The following PRKCA variants were observed in gnomAD, a reference collection of about 807,000 sequenced individuals.
The protein encoded by PRKCA is protein kinase C alpha type.
In PRKCA, 27 loss-of-function variants were observed where a neutral mutation model predicts 87.0. The observed-to-expected ratio is 0.31, with a 90% CI of 0.23 to 0.43. The LOEUF (loss-of-function observed/expected upper bound fraction) is 0.43, where lower values mean the gene tolerates loss of function less well. Ranked by LOEUF, PRKCA falls within the 20% of genes least tolerant of loss-of-function variation. PRKCA has a pLI of 1.00. For synonymous variants in PRKCA, 329 were observed against 311.1 expected (o/e 1.06, Z -0.61); for missense variants, 518 against 852.3 (o/e 0.61, Z 4.88).
intron 2 of PRKCA, among the ~76,000 whole-genome samples, chr17:66,350,852 C>T (rs551082510): frequency 7.9e-5 from 12 of 152,280 alleles, no homozygotes; most frequent in Admixed American, 7.2e-4. Context: ...GGTCCCTAGC[C>T]TTCCATGAGC....
intron 13 of PRKCA, among the ~76,000 whole-genome samples, chr17:66,745,400 G>T (rs1974249479): frequency 6.6e-6 from 1 of 152,290 alleles, no homozygotes; most frequent in Non-Finnish European, 1.5e-5. Context: ...CTTTCTCTTG[G>T]CTGGGCACAG....
At chr17:66,549,952 A>G (rs188190685) in intron 3 of PRKCA, among the ~76,000 whole-genome samples, 13 of 152,092 alleles carry the variant, frequency 8.5e-5, no homozygotes, top group African/African-American at 3.1e-4. Flanking sequence ...ACACACCACT[A>G]CCTCCTCCCC....
chr17:66,358,375 G>A (rs1197228971), intron 2 of PRKCA, among the ~76,000 whole-genome samples: 2 of 152,144 alleles, frequency 1.3e-5, no homozygotes, highest in Non-Finnish European at 2.9e-5. Context: ...TTGAATGGCT[G>A]CATAATGTGT....
chr17:66,523,273 C>T (rs967204030), intron 3 of PRKCA, among the ~76,000 whole-genome samples: 5 of 152,108 alleles, frequency 3.3e-5, no homozygotes, highest in Non-Finnish European at 7.4e-5. Context: ...AAATGCATTC[C>T]CCCAGTTCCT....
At chr17:66,423,089 T>C (rs1331601757) in intron 2 of PRKCA, among the ~76,000 whole-genome samples, 1 of 151,520 alleles carries the variant, frequency 6.6e-6, no homozygotes, top group Non-Finnish European at 1.5e-5. Context: ...CCAGCCTGGG[T>C]GATAAAAGCG....
chr17:66,510,785 G>A (rs528520652), intron 3 of PRKCA, among the ~76,000 whole-genome samples: 10 of 152,012 alleles, frequency 6.6e-5, no homozygotes, highest in East Asian at 3.9e-4. Flanking sequence ...TCACTCTGTC[G>A]CCCAAGCTGG....
intron 2 of PRKCA, chr17:66,364,410 A>G (rs1470464427): frequency 6.6e-6 from 1 of 152,232 alleles, no homozygotes; most frequent in East Asian, 1.9e-4. Context: ...ATGACTCCAG[A>G]GGCATAAAAC....
intron 3 of PRKCA, among the ~76,000 whole-genome samples, chr17:66,520,424 C>A (rs187904908): frequency 6.6e-6 from 1 of 151,794 alleles, no homozygotes; most frequent in Non-Finnish European, 1.5e-5. Flanking sequence ...CCCAGCCCAC[C>A]GTGCTAATTT....
intron 8 of PRKCA, among the ~76,000 whole-genome samples, chr17:66,716,987 A>G (rs1367100889): frequency 2.2e-5 from 3 of 137,028 alleles, no homozygotes; most frequent in Non-Finnish European, 3.3e-5. Context: ...CCACCATTGT[A>G]TGGCTGCAAA....
intron 2 of PRKCA, among the ~76,000 whole-genome samples, chr17:66,438,973 G>A (rs1274335510): frequency 3.3e-5 from 5 of 152,124 alleles, no homozygotes; most frequent in Admixed American, 3.3e-4. Flanking sequence ...CAGTGATTGA[G>A]GGGAGAACAG....
chr17:66,521,680 A>G (rs1967166902), intron 3 of PRKCA, among the ~76,000 whole-genome samples: 1 of 152,220 alleles, frequency 6.6e-6, no homozygotes, highest in Non-Finnish European at 1.5e-5. Flanking sequence ...TAAATATTGA[A>G]AAGAAGGACT....
At chr17:66,438,178 G>A (rs572403337) in intron 2 of PRKCA, among the ~76,000 whole-genome samples, 11 of 152,262 alleles carry the variant, frequency 7.2e-5, no homozygotes, top group African/African-American at 2.6e-4. Flanking sequence ...CTGCGGTTGA[G>A]AAAGACCTGC....
intron 3 of PRKCA, among the ~76,000 whole-genome samples, chr17:66,526,528 T>C (rs1967353666): frequency 6.6e-6 from 1 of 152,100 alleles, no homozygotes; most frequent in African/African-American, 2.4e-5. Context: ...CTAGCTTGGG[T>C]GTGCTCTTCC....
At chr17:66,456,270 TGTG>T (rs1914571275) in intron 2 of PRKCA, among the ~76,000 whole-genome samples, 1 of 152,216 alleles carries the variant, frequency 6.6e-6, no homozygotes, top group African/African-American at 2.4e-5. Flanking sequence ...TTACCCAGCT[TGTG>T]GTACTTTGCT....
At chr17:66,369,541 T>C (rs904146289) in intron 2 of PRKCA, among the ~76,000 whole-genome samples, 12 of 152,318 alleles carry the variant, frequency 7.9e-5, no homozygotes, top group Non-Finnish European at 1.5e-4. Context: ...ATTAATAAGC[T>C]TGAAATTTTT....
At chr17:66,584,893 T>C (rs977521638) in intron 3 of PRKCA, among the ~76,000 whole-genome samples, 2 of 152,158 alleles carry the variant, frequency 1.3e-5, no homozygotes, top group African/African-American at 4.8e-5. Context: ...TCGTCTGGGT[T>C]AATACCTGAG....
chr17:66,370,468 A>T lies in PRKCA; in HGVS notation c.205+64341A>T, dbSNP rs982386848. ...TTAGTGAGGCATTGCCAGGTGCAGTATGTGAGGTCAGCACTTTGTATAATT... is the reference window on the plus strand; with the variant it reads ...TTAGTGAGGCATTGCCAGGTGCAGTTTGTGAGGTCAGCACTTTGTATAATT... On this transcript the variant is annotated intron_variant, in intron 2 of 16. Coordinates refer to ENST00000413366, the MANE Select transcript of PRKCA (RefSeq NM_002737.3). Among the ~76,000 whole-genome samples, 3 of 150,476 alleles carry T rather than the reference A, an allele frequency of 2.0e-5. No individual in the cohort carries two copies. The East Asian group carries it at 5.9e-4, about 30-fold the overall frequency.
intron 2 of PRKCA, among the ~76,000 whole-genome samples, chr17:66,480,521 T>G (rs150966037): frequency 6.0e-4 from 92 of 152,358 alleles, no homozygotes; most frequent in Admixed American, 1.1e-3. Context: ...GCATTTTATT[T>G]ATGGAAAGTT....
chr17:66,615,987 T>C (rs1471841050), intron 3 of PRKCA, among the ~76,000 whole-genome samples: 2 of 152,192 alleles, frequency 1.3e-5, no homozygotes, highest in Non-Finnish European at 1.5e-5. Context: ...AAGGCAGCTT[T>C]GCTCAATGCC....
Sources: allele counts gnomAD v4.1 joint callset (sites outside exome capture counted in the v4.1 genomes callset), GRCh38; gene constraint gnomAD v4.1.1; transcripts MANE v1.5; gene names NCBI Gene and HGNC (gene_info 2026-07-23, HGNC 2026-07-21).